Variants in FREM1 observed in about 807,000 individuals in gnomAD.
FREM1 encodes the protein FRAS1-related extracellular matrix protein 1.
In FREM1, 220 loss-of-function variants were observed where a neutral mutation model predicts 210.1. The ratio of observed to expected loss-of-function variants is 1.05; its 90% CI spans 0.94 to 1.17. The LOEUF (loss-of-function observed/expected upper bound fraction) is 1.17. Among genes scored for constraint, FREM1 ranks in the 50% most tolerant of loss-of-function variants. The probability of loss-of-function intolerance (pLI) is 0.00; values close to 1 mark genes in which losing one functional copy is unlikely to be tolerated. For missense variants in FREM1, 3,454 were observed against 2,675.5 expected, an observed-to-expected ratio of 1.29 and a Z score of -6.42; for synonymous variants, 1,189 against 980.2, an observed-to-expected ratio of 1.21 and a Z score of -3.98.
chr9:14,861,695 T>C (rs973550084), intron 3 of FREM1, among the ~76,000 whole-genome samples: 5 of 151,814 alleles, frequency 3.3e-5, no homozygotes, highest in African/African-American at 1.2e-4. Flanking sequence ...TTAGTAGAGA[T>C]GGGGTTTTGC....
intron 1 of FREM1, among the ~76,000 whole-genome samples, chr9:14,878,016 G>A (rs921489893): frequency 4.6e-5 from 7 of 152,158 alleles, no homozygotes; most frequent in African/African-American, 1.7e-4. Flanking sequence ...GTCTCTGCTG[G>A]ATGATTGCAA....
Position 14,740,285 on chromosome 9 carries a change from G to A in FREM1, c.6255-51C>T. 2.3e-6 allele frequency: 3 copies of A among 1,309,080 alleles called. No individual in the cohort carries two copies. The South Asian group carries it at 3.6e-5, about 16-fold the overall frequency. 81.1% of individuals were successfully genotyped at this position (1,309,080 alleles called of 1,614,324 possible). On this transcript the variant is annotated intron_variant, in intron 35 of 36. Transcript: ENST00000380880. Reference sequence around the variant, plus strand: ...TCAGCAACAAGCAGTTAACATTTCTGCTGATACGAAATGCATAACAGAAAT... The same window carrying A: ...TCAGCAACAAGCAGTTAACATTTCTACTGATACGAAATGCATAACAGAAAT...
chr9:14,779,285 T>C (rs1227539126), intron 24 of FREM1, among the ~76,000 whole-genome samples: 1 of 152,212 alleles, frequency 6.6e-6, no homozygotes, highest in South Asian at 2.1e-4. Context: ...GAGTGTTAAA[T>C]CAGCCATTGG....
chr9:14,875,940 C>T (rs1833628886), intron 1 of FREM1, among the ~76,000 whole-genome samples: 1 of 152,218 alleles, frequency 6.6e-6, no homozygotes, highest in Admixed American at 6.5e-5. Context: ...TAGAGGTCCA[C>T]TCTAGACCCT....
chr9:14,740,682 T>C (rs1841410364), intron 35 of FREM1, among the ~76,000 whole-genome samples: 1 of 152,226 alleles, frequency 6.6e-6, no homozygotes, highest in African/African-American at 2.4e-5. Context: ...AGGTTTAAAT[T>C]TGGAGCTTAG....
At position 14,770,680 on chromosome 9, in the gene FREM1, C is replaced by G; in HGVS notation, c.4984G>C (p.Asp1662His). The stretch of plus-strand genomic sequence containing the variant: ...AAGATGATCTGATCGTCCTCAGTGT[C>G]AGGGTCTGATGCCTTCAACACGCGG... ...TSRVLKASDP[D>H]TEDDQIIFKI... Residue 1662 changes from aspartate (D) to histidine (H), a missense_variant, in exon 26 of 37, where the codon GAC becomes CAC. Physicochemically the swap from Asp to His is moderately conservative, Grantham distance 81. Coordinates refer to ENST00000380880, the MANE Select transcript of FREM1 (RefSeq NM_001379081.2). The G allele has an allele frequency of 6.2e-7, 1 of 1,613,546 alleles. No homozygotes were observed. The highest frequency in any genetic ancestry group is 1.1e-5 in the South Asian group (1 of 91,066).
At chr9:14,890,732 G>C (rs1414549526) in intron 1 of FREM1, among the ~76,000 whole-genome samples, 1 of 152,148 alleles carries the variant, frequency 6.6e-6, no homozygotes, top group East Asian at 1.9e-4. Flanking sequence ...CCAGACGTCT[G>C]CCTGTTTCTA....
intron 6 of FREM1, 22 bp downstream of exon 6, chr9:14,851,253 CTAGGCTGGA>C (rs1827685131): frequency 6.6e-7 from 1 of 1,511,948 alleles, no homozygotes; most frequent in South Asian, 1.3e-5. Flanking sequence ...TGACTTCTAA[CTAGGCTGGA>C]AGCTTTGTCT....
intron 1 of FREM1, among the ~76,000 whole-genome samples, chr9:14,896,907 C>G (rs1402495390): frequency 6.6e-6 from 1 of 152,160 alleles, no homozygotes; most frequent in Non-Finnish European, 1.5e-5. Context: ...TGTGAGGTAA[C>G]CTTGATCATC....
intron 25 of FREM1, among the ~76,000 whole-genome samples, chr9:14,774,890 C>A (rs79539704): frequency 0.012 from 1,804 of 152,252 alleles, 42 homozygotes; most frequent in African/African-American, 0.041. Flanking sequence ...CTTGTACCCT[C>A]ATCTATAAAA....
chr9:14,747,022 G>C lies in FREM1; in HGVS notation c.6039C>G (p.Cys2013Trp), dbSNP rs1451656643. 5.0e-6 allele frequency: 8 copies of C among 1,613,062 alleles called. No homozygotes were observed. The highest frequency in any genetic ancestry group is 6.8e-6 in the Non-Finnish European group (8 of 1,179,472). Residue 2013 changes from cysteine to tryptophan, a missense_variant, in exon 34 of 37, where the codon TGC becomes TGG. Physicochemically the swap from Cys to Trp is radical, Grantham distance 215. Transcript: ENST00000380880. ...GGAAGAGTCCCTTTAATTCCAGAGT[G>C]CAGTTCTTTGGAAATGAGGGCAACT... ...QDQLPSFPKNCTLELKGLFHF... is the reference protein window; with the variant it reads ...QDQLPSFPKNWTLELKGLFHF...
rs1220032537 is a variant in FREM1 at position 14,857,691 on chromosome 9, T to C, written c.690A>G (p.Ile230Met). 1 of 1,613,860 alleles carries C rather than the reference T, an allele frequency of 6.2e-7. No individual in the cohort carries two copies. The highest frequency in any genetic ancestry group is 1.3e-5 in the African/African-American group (1 of 75,046). The change falls in exon 5 of 37, where the codon ATA (isoleucine) becomes ATG (methionine). Residue 230 changes from isoleucine (I) to methionine (M), a missense_variant. Physicochemically the swap from Ile to Met is conservative, Grantham distance 10. Transcript: ENST00000380880. Reference sequence around the variant, plus strand: ...CCTCACAGCTCACTTTGAGGCTTCCTATTTTCTTTAATCCTGGGGTACAGC... The same window carrying C: ...CCTCACAGCTCACTTTGAGGCTTCCCATTTTCTTTAATCCTGGGGTACAGC... Reference protein sequence around the residue: ...GGSCTPGLKKIGSLKVSCEEF... With the variant: ...GGSCTPGLKKMGSLKVSCEEF...
At position 14,857,477 on chromosome 9, in the gene FREM1, G is replaced by A. The variant is rs145478190; in HGVS notation, c.828+76C>T. The A allele has an allele frequency of 1.2e-3, 1,429 of 1,236,316 alleles. 1 individual carries two copies. Among genetic ancestry groups the A allele is most frequent in the Non-Finnish European group, 1.4e-3 (1,162 of 837,360 alleles). 76.6% of individuals were successfully genotyped at this position (1,236,316 alleles called of 1,614,324 possible). On this transcript the variant is annotated intron_variant, in intron 5 of 36. Transcript: ENST00000380880. ...CAGGAACTCTCCCTGGCATGGGGGCGAGCATGAGTAAGCCTGTGTAACTGG... is the reference window on the plus strand; with the variant it reads ...CAGGAACTCTCCCTGGCATGGGGGCAAGCATGAGTAAGCCTGTGTAACTGG...
At chr9:14,813,213 G>A in intron 15 of FREM1, 149 bp from the exon 16 acceptor site, 2 of 805,802 alleles carry the variant, frequency 2.5e-6, no homozygotes, top group Non-Finnish European at 3.8e-6. Flanking sequence ...CAAGTAATCT[G>A]TGTCTTTTAA....
chr9:14,860,682 TACACATATATAC>T lies in FREM1; in HGVS notation c.330-1210_330-1199del, dbSNP rs1163364937. ...ATATATACATATATACACACATATA[TACACATATATAC>T]ACACATATATACACACATATATACA... On this transcript the variant is annotated intron_variant, in intron 3 of 36. Transcript: ENST00000380880. 7.6e-3 allele frequency among the ~76,000 whole-genome samples: 837 copies of T among 110,070 alleles called. 27 individuals carry two copies. The highest frequency in any genetic ancestry group is 0.058 in the East Asian group (196 of 3,370). 72.2% of individuals were successfully genotyped at this position (110,070 alleles called of 152,430 possible).
At chr9:14,876,008 A>C (rs1833648819) in intron 1 of FREM1, among the ~76,000 whole-genome samples, 1 of 152,178 alleles carries the variant, frequency 6.6e-6, no homozygotes, top group Non-Finnish European at 1.5e-5. Context: ...TGAACCGCAA[A>C]TGCTGCTGTC....
chr9:14,748,410 A>G lies in FREM1; in HGVS notation c.5787T>C (p.Asn1929=). ...AGGTCCCCATCCTTACTGTTTTGCCATTCCCACGGGTCCTAAGCTTCCTTT... is the reference window on the plus strand; with the variant it reads ...AGGTCCCCATCCTTACTGTTTTGCCGTTCCCACGGGTCCTAAGCTTCCTTT... ...LSQRKLRTRG[N]GKTVRPSSVY... The change falls in exon 31 of 37, where the codon AAT becomes AAC. Residue 1929 remains asparagine, a synonymous_variant. Coordinates refer to ENST00000380880, the MANE Select transcript of FREM1 (RefSeq NM_001379081.2). 6.2e-7 allele frequency: 1 copy of G among 1,605,024 alleles called. No homozygotes were observed. Among genetic ancestry groups the G allele is most frequent in the Non-Finnish European group, 8.5e-7 (1 of 1,172,140 alleles).
chr9:14,856,791 G>T (rs1399048186), intron 5 of FREM1, among the ~76,000 whole-genome samples: 1 of 147,704 alleles, frequency 6.8e-6, no homozygotes, highest in East Asian at 2.0e-4. Context: ...CGACATTATT[G>T]CGCTACTGCA....
intron 27 of FREM1, among the ~76,000 whole-genome samples, chr9:14,769,245 A>G (rs34969215): frequency 6.6e-6 from 1 of 152,212 alleles, no homozygotes; most frequent in African/African-American, 2.4e-5. Flanking sequence ...CCTTATAAAC[A>G]TACTGTCAAG....
Sources: allele counts gnomAD v4.1 joint callset (sites outside exome capture counted in the v4.1 genomes callset), GRCh38; gene constraint gnomAD v4.1.1; transcripts MANE v1.5; gene names NCBI Gene and HGNC (gene_info 2026-07-23, HGNC 2026-07-21).